Variants in AGPAT3 observed in about 807,000 individuals in gnomAD.
The protein encoded by AGPAT3 is 1-acylglycerol-3-phosphate O-acyltransferase 3, also known as 1-acyl-sn-glycerol-3-phosphate acyltransferase gamma.
Under a neutral mutation model 47.3 loss-of-function variants are expected in AGPAT3, and 5 were observed. The ratio of observed to expected loss-of-function variants is 0.11; its 90% CI spans 0.06 to 0.22. The LOEUF (loss-of-function observed/expected upper bound fraction) is 0.22. Among genes scored for constraint, AGPAT3 ranks in the 10% least tolerant of loss-of-function variants. The probability of loss-of-function intolerance (pLI) is 1.00; values close to 1 mark genes in which losing one functional copy is unlikely to be tolerated. For synonymous variants in AGPAT3, 212 were observed against 208.3 expected, an observed-to-expected ratio of 1.02 and a Z score of -0.15; for missense variants, 315 against 493.0, an observed-to-expected ratio of 0.64 and a Z score of 3.42.
chr21:43,891,113 C>T (rs1315329911), intron 1 of AGPAT3, among the ~76,000 whole-genome samples: 2 of 152,210 alleles, frequency 1.3e-5, no homozygotes, highest in East Asian at 1.9e-4. Context: ...TGGATGGACT[C>T]TCTTTTTCAC....
At chr21:43,918,311 T>C (rs2086803844) in intron 2 of AGPAT3, among the ~76,000 whole-genome samples, 1 of 150,600 alleles carries the variant, frequency 6.6e-6, no homozygotes, top group African/African-American at 2.4e-5. Context: ...GGATCAATTG[T>C]TGTCTCTAGA....
chr21:43,965,259 T>G (rs149972138), intron 3 of AGPAT3: 2 of 152,302 alleles, frequency 1.3e-5, no homozygotes, highest in East Asian at 3.9e-4. Context: ...GAACCACGGT[T>G]TTATTTTCAA....
Position 43,922,008 on chromosome 21 carries a change from G to T in AGPAT3, c.-49+17989G>T, listed in dbSNP as rs1043000706. ...TCTTTTCCTGATTTCTCTGTCTCTC[G>T]ATGCCATTTTTGTGAAGGTTTAGCA... On this transcript the variant is annotated intron_variant, in intron 2 of 9. Coordinates refer to ENST00000291572, the MANE Select transcript of AGPAT3 (RefSeq NM_020132.5). This position sits in a 1 kb window ranked among gnomAD's most constrained non-coding sequence, Gnocchi z 4.9. Among the ~76,000 whole-genome samples the T allele has an allele frequency of 6.6e-6, 1 of 152,290 alleles. No homozygotes were observed. Among genetic ancestry groups the T allele is most frequent in the South Asian group, 2.1e-4 (1 of 4,818 alleles).
chr21:43,968,157 T>C, intron 4 of AGPAT3, 42 bp downstream of exon 4: 3 of 1,229,668 alleles, frequency 2.4e-6, no homozygotes, highest in Non-Finnish European at 2.1e-6. Flanking sequence ...AGCAGGAGGG[T>C]CCCGGGGAGG....
rs1043734516 is a variant in AGPAT3, at chr21:43,930,700, G to A, written c.-49+26681G>A. 1.3e-5 allele frequency among the ~76,000 whole-genome samples: 2 copies of A among 152,156 alleles called. No homozygotes were observed. The highest frequency in any genetic ancestry group is 2.9e-5 in the Non-Finnish European group (2 of 68,018). On this transcript the variant is annotated intron_variant, in intron 2 of 9. Coordinates refer to ENST00000291572, the MANE Select transcript of AGPAT3 (RefSeq NM_020132.5). The surrounding 1 kb of genome is among the most constrained non-coding windows in gnomAD (Gnocchi z 5.0). ...GGGGTGCACACCTGGGCTGAGGGGAGCAGAGGGAAGCAGGGCTTGCTGGCA... is the reference window on the plus strand; with the variant it reads ...GGGGTGCACACCTGGGCTGAGGGGAACAGAGGGAAGCAGGGCTTGCTGGCA...
Position 43,909,420 on chromosome 21 carries a change from C to T in AGPAT3, c.-49+5401C>T, listed in dbSNP as rs151273946. 5.2e-3 allele frequency among the ~76,000 whole-genome samples: 790 copies of T among 152,102 alleles called. 5 individuals carry two copies. The highest frequency in any genetic ancestry group is 0.018 in the African/African-American group (727 of 41,490). ...ACGCCATTCTCCTGCCTCAGCCTCC[C>T]GAGTAGCTGGGACTACAGGCGCCTG... On this transcript the variant is annotated intron_variant, in intron 2 of 9. Transcript: ENST00000291572.
intron 1 of AGPAT3, among the ~76,000 whole-genome samples, chr21:43,874,085 GC>G (rs2085682366): frequency 2.0e-5 from 3 of 152,178 alleles, no homozygotes; most frequent in Admixed American, 6.5e-5. Context: ...ACGCAGGCTG[GC>G]GTGATCTCGG....
At chr21:43,937,739 C>A (rs1601357798) in intron 2 of AGPAT3, among the ~76,000 whole-genome samples, 1 of 152,094 alleles carries the variant, frequency 6.6e-6, no homozygotes, top group African/African-American at 2.4e-5. Flanking sequence ...AGGGAAATTT[C>A]TTTTTGCAAC....
At chr21:43,966,447 C>CGGAA (rs1483373000) in intron 3 of AGPAT3, 5 of 152,234 alleles carry the variant, frequency 3.3e-5, no homozygotes, top group African/African-American at 1.2e-4. Flanking sequence ...GCAGGATTTC[C>CGGAA]TCCCGTCCAC....
intron 3 of AGPAT3, among the ~76,000 whole-genome samples, chr21:43,962,294 G>A (rs2088913588): frequency 2.0e-5 from 3 of 152,088 alleles, no homozygotes; most frequent in African/African-American, 4.8e-5. Flanking sequence ...GAGCCACCGC[G>A]CCCGGCCAGT....
chr21:43,870,321 T>C (rs1024052582), intron 1 of AGPAT3, among the ~76,000 whole-genome samples: 3 of 152,186 alleles, frequency 2.0e-5, no homozygotes, highest in Non-Finnish European at 2.9e-5. Context: ...TTAGAAAATA[T>C]GTTTGTCGTG....
rs1321161995 is a variant in AGPAT3, at chr21:43,920,893, A to G, written c.-49+16874A>G. On this transcript the variant is annotated intron_variant, in intron 2 of 9. Transcript: ENST00000291572. The surrounding 1 kb of genome is among the most constrained non-coding windows in gnomAD (Gnocchi z 6.1). ...GTAATCCCAGCACTTTGGGAGGCTG[A>G]GGCGGGCAGATCACGAGGTCAGGAG... Among the ~76,000 whole-genome samples the G allele has an allele frequency of 6.6e-6, 1 of 152,204 alleles. No individual in the cohort carries two copies. Among genetic ancestry groups the G allele is most frequent in the African/African-American group, 2.4e-5 (1 of 41,462 alleles).
At chr21:43,869,569 G>T (rs951264310) in intron 1 of AGPAT3, among the ~76,000 whole-genome samples, 20 of 152,186 alleles carry the variant, frequency 1.3e-4, no homozygotes, top group African/African-American at 4.8e-5. Context: ...CCCTGCAGAG[G>T]ATGGTGGGGG....
At chr21:43,904,065 AGT>A (rs10577584) in intron 2 of AGPAT3, 46 bp downstream of exon 2, 60,842 of 147,402 alleles carry the variant, frequency 0.41, 12,596 homozygotes, top group East Asian at 0.75. Flanking sequence ...CGTGTGTGAG[AGT>A]GTGTGTGTGT....
Position 43,985,413 on chromosome 21 carries a change from G to C in AGPAT3, c.*3021G>C, listed in dbSNP as rs894046675. 3 of 318,108 alleles carry C rather than the reference G, an allele frequency of 9.4e-6. No individual in the cohort carries two copies. The highest frequency in any genetic ancestry group is 7.0e-5 in the African/African-American group (3 of 43,022). The allele number at this position is 318,108 out of a possible 1,614,324, so 19.7% of individuals were successfully genotyped here. ...TTTCTTGTGTAAAAAAAAAAAAAAA[G>C]CACGTCCTGTCGATGAATTTTGAGT... On this transcript the variant is annotated 3_prime_UTR_variant, in exon 10 of 10. Coordinates refer to ENST00000291572, the MANE Select transcript of AGPAT3 (RefSeq NM_020132.5).
rs978272365 is a variant in AGPAT3, at chr21:43,915,658, C to T, written c.-49+11639C>T. Among the ~76,000 whole-genome samples the T allele has an allele frequency of 6.6e-5, 10 of 151,982 alleles. No homozygotes were observed. In the South Asian group the frequency reaches 1.9e-3, roughly 28 times the overall value. On this transcript the variant is annotated intron_variant, in intron 2 of 9. Coordinates refer to ENST00000291572, the MANE Select transcript of AGPAT3 (RefSeq NM_020132.5). ...AACTCCTGACCTCAAGTGATCCACC[C>T]GCGTTGGTCTCCCAGAGTGCTGGGA... is the stretch of plus-strand genomic sequence containing the variant.
In AGPAT3 at chr21:43,901,785, G is replaced by T. The variant is rs528997466; in HGVS notation, c.-111-2172G>T. ...ATGAGACTGTCTCAAAAAGAAAAAA[G>T]ACCCAAATAAATCTTCTAGAAATGA... is the stretch of plus-strand genomic sequence containing the variant. On this transcript the variant is annotated intron_variant, in intron 1 of 9. Transcript: ENST00000291572. 2.6e-5 allele frequency among the ~76,000 whole-genome samples: 4 copies of T among 152,138 alleles called. No individual in the cohort carries two copies. In the Middle Eastern group the frequency reaches 0.01, roughly 388 times the overall value.
At chr21:43,898,530 T>C (rs573877025) in intron 1 of AGPAT3, among the ~76,000 whole-genome samples, 1 of 152,282 alleles carries the variant, frequency 6.6e-6, no homozygotes, top group Non-Finnish European at 1.5e-5. Flanking sequence ...GTATTTAAAT[T>C]CTTTTTTTTT....
chr21:43,894,217 C>CTTTT (rs11370715), intron 1 of AGPAT3, among the ~76,000 whole-genome samples: 1 of 140,226 alleles, frequency 7.1e-6, no homozygotes, highest in African/African-American at 2.6e-5. Flanking sequence ...TTCTTTCTTT[C>CTTTT]TTTTTTTTTT....
Sources: allele counts gnomAD v4.1 joint callset (sites outside exome capture counted in the v4.1 genomes callset), GRCh38; gene constraint gnomAD v4.1.1; non-coding constraint Gnocchi (gnomAD v3.1); transcripts MANE v1.5; gene names NCBI Gene and HGNC (gene_info 2026-07-23, HGNC 2026-07-21).